IMPG2: variants seen among roughly 807,000 people sequenced by gnomAD.
IMPG2 encodes the protein interphotoreceptor matrix proteoglycan 2.
In IMPG2, 91 loss-of-function variants were observed where a neutral mutation model predicts 129.2. That is an observed-to-expected ratio of 0.70 (90% CI 0.59 to 0.84). The LOEUF is 0.84. Ranked by LOEUF, IMPG2 falls within the 40% of genes least tolerant of loss-of-function variation. The pLI is 0.00. For synonymous variants in IMPG2, 510 were observed against 517.7 expected (o/e 0.99, Z 0.20); for missense variants, 1,430 against 1,461.7 (o/e 0.98, Z 0.35).
intron 4 of IMPG2, among the ~76,000 whole-genome samples, chr3:101,285,312 T>C (rs1189317666): frequency 1.3e-5 from 2 of 152,148 alleles, no homozygotes; most frequent in Non-Finnish European, 2.9e-5. Context: ...GCCACATCCC[T>C]GACAGAAAGA....
At chr3:101,290,431 C>T (rs1365511836) in intron 4 of IMPG2, among the ~76,000 whole-genome samples, 1 of 152,088 alleles carries the variant, frequency 6.6e-6, no homozygotes, top group Non-Finnish European at 1.5e-5. Flanking sequence ...ATCACTTAAG[C>T]CTGGGAGCAC....
chr3:101,260,738 G>A (rs1706660302), intron 9 of IMPG2, among the ~76,000 whole-genome samples: 1 of 152,128 alleles, frequency 6.6e-6, no homozygotes, highest in African/African-American at 2.4e-5. Flanking sequence ...CAGCTTAGCT[G>A]TCATCTCCCA....
intron 2 of IMPG2, among the ~76,000 whole-genome samples, chr3:101,315,826 C>A (rs113832416): frequency 6.6e-6 from 1 of 151,480 alleles, no homozygotes. Flanking sequence ...GACTGCATAA[C>A]CAAACAAATT....
At chr3:101,267,433 C>T (rs1706731694) in intron 9 of IMPG2, 78 bp downstream of exon 9, 3 of 1,191,708 alleles carry the variant, frequency 2.5e-6, no homozygotes, top group South Asian at 2.4e-5. Context: ...GAGTTATGCT[C>T]CCCTGGACCT....
rs2107251155 is a variant in IMPG2 at position 101,273,691 on chromosome 3, C to T, written c.718G>A (p.Glu240Lys). ...TGGATACTGAATTCTGCAATCTGTTCACCTGCTGGTTTTGTGGCTTCTTCT... is the reference window on the plus strand; with the variant it reads ...TGGATACTGAATTCTGCAATCTGTTTACCTGCTGGTTTTGTGGCTTCTTCT... ...VIEEATKPAGEQIAEFSIHLL... is the reference protein window; with the variant it reads ...VIEEATKPAGKQIAEFSIHLL... The change falls in exon 7 of 19, where the codon GAA (glutamate) becomes AAA (lysine). Residue 240 changes from glutamate to lysine, a missense_variant. Physicochemically the swap from Glu to Lys is moderately conservative, Grantham distance 56. Coordinates refer to ENST00000193391, the MANE Select transcript of IMPG2 (RefSeq NM_016247.4). 5.6e-6 allele frequency: 9 copies of T among 1,614,138 alleles called. No homozygotes were observed. The highest frequency in any genetic ancestry group is 7.6e-6 in the Non-Finnish European group (9 of 1,180,004).
intron 7 of IMPG2, among the ~76,000 whole-genome samples, chr3:101,270,169 T>C (rs951934633): frequency 5.9e-5 from 9 of 152,088 alleles, no homozygotes; most frequent in Middle Eastern, 3.4e-3. Context: ...ATTCCTGACC[T>C]CAGGTGATCC....
intron 14 of IMPG2, among the ~76,000 whole-genome samples, chr3:101,234,979 A>G (rs1706330287): frequency 6.6e-6 from 1 of 152,204 alleles, no homozygotes; most frequent in Non-Finnish European, 1.5e-5. Flanking sequence ...ACATAATGAG[A>G]TATCTTGGGG....
chr3:101,294,313 A>G (rs777226053), intron 3 of IMPG2, among the ~76,000 whole-genome samples: 23 of 151,176 alleles, frequency 1.5e-4, no homozygotes, highest in Non-Finnish European at 2.4e-4. Flanking sequence ...TCACTGTTCA[A>G]CTCCCACTTA....
At chr3:101,306,616 T>C (rs1576771264) in intron 2 of IMPG2, among the ~76,000 whole-genome samples, 1 of 152,252 alleles carries the variant, frequency 6.6e-6, no homozygotes, top group African/African-American at 2.4e-5. Flanking sequence ...AAAAAGTGAA[T>C]GTCTATAATG....
In IMPG2 at chr3:101,243,590, T is replaced by C; in HGVS notation, c.2741A>G (p.Glu914Gly). ...CAAGGAGTTTTTATTAAACAGATCT[T>C]CTGAAAACATCATGTTAGTCACTCG... is the stretch of plus-strand genomic sequence containing the variant. ...SLRVTNMMFSEDLFNKNSLEY... is the reference protein window; with the variant it reads ...SLRVTNMMFSGDLFNKNSLEY... Residue 914 changes from glutamate to glycine, a missense_variant, in exon 13 of 19, where the codon GAA becomes GGA. Coordinates refer to ENST00000193391, the MANE Select transcript of IMPG2 (RefSeq NM_016247.4). 1 of 1,613,896 alleles carries C rather than the reference T, an allele frequency of 6.2e-7. No individual in the cohort carries two copies. The highest frequency in any genetic ancestry group is 8.5e-7 in the Non-Finnish European group (1 of 1,179,928).
intron 4 of IMPG2, among the ~76,000 whole-genome samples, chr3:101,278,620 T>C (rs766801829): frequency 6.6e-6 from 1 of 152,110 alleles, no homozygotes; most frequent in South Asian, 2.1e-4. Context: ...CATTTTATGA[T>C]TGGAGCTGGT....
chr3:101,253,347 A>G (rs1046612831), intron 11 of IMPG2, among the ~76,000 whole-genome samples: 4 of 152,130 alleles, frequency 2.6e-5, no homozygotes, highest in African/African-American at 9.7e-5. Flanking sequence ...TAGTACATCA[A>G]TTTATCATGT....
At chr3:101,241,087 G>T (rs1181891110) in intron 14 of IMPG2, among the ~76,000 whole-genome samples, 4 of 152,134 alleles carry the variant, frequency 2.6e-5, no homozygotes, top group African/African-American at 4.8e-5. Flanking sequence ...CTAAGTTCTG[G>T]CTAAAAAGTA....
intron 2 of IMPG2, among the ~76,000 whole-genome samples, chr3:101,312,064 G>T (rs531636863): frequency 3.0e-4 from 45 of 151,734 alleles, no homozygotes; most frequent in Non-Finnish European, 3.4e-4. Flanking sequence ...AAACTTAAAC[G>T]TACACACCAA....
chr3:101,241,924 G>A (rs1052225341), intron 14 of IMPG2, among the ~76,000 whole-genome samples: 3 of 152,060 alleles, frequency 2.0e-5, no homozygotes, highest in African/African-American at 7.2e-5. Context: ...AGCTACTCGG[G>A]AGGCTGAGGC....
intron 18 of IMPG2, 104 bp downstream of exon 18, chr3:101,228,693 C>T (rs1706249394): frequency 3.3e-6 from 3 of 903,944 alleles, no homozygotes; most frequent in Admixed American, 3.5e-5. Flanking sequence ...ACGGAGACTC[C>T]TGTCACATGG....
intron 6 of IMPG2, 151 bp downstream of exon 6, chr3:101,275,512 T>C (rs550580904): frequency 2.6e-5 from 17 of 655,266 alleles, no homozygotes; most frequent in Middle Eastern, 3.2e-4. Context: ...AATCTCAAAA[T>C]TGTTTTTAAT....
intron 11 of IMPG2, among the ~76,000 whole-genome samples, chr3:101,247,589 C>T (rs1296851869): frequency 1.6e-5 from 2 of 122,254 alleles, no homozygotes; most frequent in African/African-American, 3.2e-5. Flanking sequence ...AAGAGCAAAA[C>T]TCCGTCTCAA....
Position 101,253,716 on chromosome 3 carries a change from C to A in IMPG2, c.1219G>T (p.Ala407Ser), listed in dbSNP as rs199986912. 247 of 1,611,618 alleles carry A rather than the reference C, an allele frequency of 1.5e-4. 4 individuals are homozygous for A. In the East Asian group the frequency reaches 5.5e-3, roughly 36 times the overall value. Residue 407 changes from alanine to serine, a missense_variant, in exon 11 of 19, where the codon GCA (alanine) becomes TCA (serine). Coordinates refer to ENST00000193391, the MANE Select transcript of IMPG2 (RefSeq NM_016247.4). ...VWNTQSSSLQ[A>S]TPSSILDNTF... ...CATACCAGAATAGATGACGGCGTTG[C>A]CTGAAGACTTGAACTTTGGGTGTTC...
Sources: gnomAD v4.1 joint callset for allele counts (sites outside exome capture counted in the v4.1 genomes callset) on GRCh38, gnomAD v4.1.1 for gene constraint, MANE v1.5 for transcripts, NCBI Gene and HGNC (gene_info 2026-07-23, HGNC 2026-07-21) for gene names.